The following RMST variants were observed in gnomAD, a reference collection of about 807,000 sequenced individuals.
The protein encoded by RMST is rhabdomyosarcoma 2 associated transcript.
chr12:97,541,630 A>G (rs775693081), intron 11 of RMST, among the ~76,000 whole-genome samples: 8 of 151,482 alleles, frequency 5.3e-5, no homozygotes, highest in Non-Finnish European at 8.9e-5. Flanking sequence ...AGGAACTTAG[A>G]TCTCCCTCAG....
At chr12:97,527,453 G>T (rs1374506873) in intron 10 of RMST, among the ~76,000 whole-genome samples, 1 of 152,200 alleles carries the variant, frequency 6.6e-6, no homozygotes, top group Non-Finnish European at 1.5e-5. Context: ...TTAGGTGACT[G>T]CTCCGAGTTG....
At chr12:97,537,499 A>G (rs1382802972) in intron 11 of RMST, among the ~76,000 whole-genome samples, 1 of 151,358 alleles carries the variant, frequency 6.6e-6, no homozygotes, top group African/African-American at 2.4e-5. Flanking sequence ...ACTCATTGAC[A>G]TATTATTGAA....
At chr12:97,481,887 T>C (rs1425395474) in intron 5 of RMST, among the ~76,000 whole-genome samples, 2 of 152,226 alleles carry the variant, frequency 1.3e-5, no homozygotes, top group East Asian at 3.8e-4. Flanking sequence ...TGATTCAGGC[T>C]GCTCTTTCCA....
chr12:97,499,338 T>A (rs1172616467), intron 10 of RMST, among the ~76,000 whole-genome samples: 1 of 152,210 alleles, frequency 6.6e-6, no homozygotes, highest in Non-Finnish European at 1.5e-5. Flanking sequence ...GTTTTTCACA[T>A]ATCCGACTAT....
intron 10 of RMST, among the ~76,000 whole-genome samples, chr12:97,499,953 C>G (rs189756559): frequency 6.6e-6 from 1 of 152,074 alleles, no homozygotes; most frequent in Admixed American, 6.5e-5. Context: ...GTCATCATGC[C>G]CGGCCTATGT....
exon 14 of RMST, chr12:97,564,314 C>T (rs1884371119): frequency 5.9e-6 from 1 of 169,136 alleles, no homozygotes; most frequent in African/African-American, 2.4e-5. Flanking sequence ...TCTCTACTCC[C>T]AAGCTCCAAA....
chr12:97,518,851 A>C (rs1423995422), intron 10 of RMST, among the ~76,000 whole-genome samples: 1 of 152,056 alleles, frequency 6.6e-6, no homozygotes, highest in Non-Finnish European at 1.5e-5. Flanking sequence ...GGCTCACTGC[A>C]TTCTCAAACT....
chr12:97,546,300 G>A (rs1718608578), intron 11 of RMST, among the ~76,000 whole-genome samples: 3 of 152,044 alleles, frequency 2.0e-5, no homozygotes, highest in African/African-American at 7.2e-5. Flanking sequence ...CAAGGAAATG[G>A]GCTGGGTGTG....
intron 10 of RMST, among the ~76,000 whole-genome samples, chr12:97,504,079 G>A (rs1394514007): frequency 1.3e-5 from 2 of 152,088 alleles, no homozygotes; most frequent in Non-Finnish European, 2.9e-5. Flanking sequence ...ATTTTTAGTA[G>A]AGATGTGTTT....
intron 5 of RMST, among the ~76,000 whole-genome samples, chr12:97,466,736 C>T (rs979304839): frequency 6.6e-6 from 1 of 152,074 alleles, no homozygotes; most frequent in Non-Finnish European, 1.5e-5. Context: ...TTTTATTGCT[C>T]ATTCTAGCTT....
At chr12:97,557,708 T>A (rs991973647) in intron 11 of RMST, among the ~76,000 whole-genome samples, 3 of 152,170 alleles carry the variant, frequency 2.0e-5, no homozygotes, top group Non-Finnish European at 4.4e-5. Context: ...GGTCACTTTG[T>A]ACTGGGGTTG....
At chr12:97,538,443 G>A (rs561047053) in intron 11 of RMST, among the ~76,000 whole-genome samples, 2 of 151,338 alleles carry the variant, frequency 1.3e-5, no homozygotes, top group South Asian at 4.2e-4. Context: ...CTCATTAATG[G>A]CAGTGTAAGT....
At chr12:97,465,561 A>G (rs1406065332) in intron 4 of RMST, 1 of 152,160 alleles carries the variant, frequency 6.6e-6, no homozygotes, top group Admixed American at 6.5e-5. Context: ...CAGGAAAGGC[A>G]TTTACTGCTT....
At chr12:97,513,037 G>T (rs1266171652) in intron 10 of RMST, among the ~76,000 whole-genome samples, 1 of 152,220 alleles carries the variant, frequency 6.6e-6, no homozygotes, top group Non-Finnish European at 1.5e-5. Context: ...TCCAACTGCG[G>T]GGTCCGCCGA....
intron 10 of RMST, among the ~76,000 whole-genome samples, chr12:97,503,077 G>T (rs1292164467): frequency 6.6e-6 from 1 of 152,084 alleles, no homozygotes; most frequent in Non-Finnish European, 1.5e-5. Flanking sequence ...AGCAAATTTT[G>T]TTTATGCTTT....
chr12:97,464,436 T>C (rs543471442), intron 4 of RMST, among the ~76,000 whole-genome samples: 6 of 152,356 alleles, frequency 3.9e-5, no homozygotes, highest in Non-Finnish European at 8.8e-5. Context: ...TCCTGTGATA[T>C]ATTGTTATGT....
chr12:97,467,568 A>G (rs963442570), intron 5 of RMST, among the ~76,000 whole-genome samples: 9 of 152,006 alleles, frequency 5.9e-5, no homozygotes, highest in Non-Finnish European at 1.5e-5. Context: ...AAGCTCTGGC[A>G]TCTGATTACA....
chr12:97,479,165 G>A (rs539563583), intron 5 of RMST, among the ~76,000 whole-genome samples: 7 of 99,920 alleles, frequency 7.0e-5, no homozygotes, highest in African/African-American at 2.6e-4. Flanking sequence ...TTTGAGACAA[G>A]GTCTCACTCT....
chr12:97,511,314 G>T (rs889040503), intron 10 of RMST, among the ~76,000 whole-genome samples: 16 of 151,972 alleles, frequency 1.1e-4, no homozygotes, highest in African/African-American at 1.4e-4. Context: ...ACATGCTGCT[G>T]ATTTTTGTAT....
Sources: allele counts gnomAD v4.1 joint callset (sites outside exome capture counted in the v4.1 genomes callset), GRCh38; gene constraint gnomAD v4.1.1; transcripts MANE v1.5; gene names NCBI Gene and HGNC (gene_info 2026-07-23, HGNC 2026-07-21).